Variants in SLC12A3 observed in about 807,000 individuals in gnomAD.
The protein encoded by SLC12A3 is Na-Cl cotransporter.
A neutral mutation model predicts 121.0 loss-of-function variants in SLC12A3; 104 were observed. The ratio of observed to expected loss-of-function variants is 0.86; its 90% CI spans 0.73 to 1.01. The LOEUF (loss-of-function observed/expected upper bound fraction) is 1.01. Among genes scored for constraint, SLC12A3 ranks in the 50% least tolerant of loss-of-function variants. The pLI is 0.00. For missense variants in SLC12A3, 1,328 were observed against 1,356.3 expected (o/e 0.98, Z 0.33); for synonymous variants, 536 against 533.4 (o/e 1.00, Z -0.07).
At chr16:56,885,208 T>C in intron 14 of SLC12A3, 57 bp from the exon 15 acceptor site, 2 of 1,078,932 alleles carry the variant, frequency 1.9e-6, no homozygotes. Flanking sequence ...ACGTGTCTGG[T>C]TTCCTCTAGT....
At chr16:56,868,983 A>T (rs11648066) in intron 3 of SLC12A3, among the ~76,000 whole-genome samples, 59,296 of 139,700 alleles carry the variant, frequency 0.42, 11,864 homozygotes, top group East Asian at 0.61. Context: ...CAAAAAAAAT[A>T]AAAAATAAAA....
chr16:56,897,287 G>A (rs1471109088), intron 22 of SLC12A3, among the ~76,000 whole-genome samples: 7 of 152,102 alleles, frequency 4.6e-5, no homozygotes, highest in Admixed American at 3.3e-4. Context: ...AGACAGATGG[G>A]GCAGTTTGCC....
chr16:56,911,129 A>C (rs1458928028), intron 25 of SLC12A3, among the ~76,000 whole-genome samples: 1 of 152,180 alleles, frequency 6.6e-6, no homozygotes, highest in East Asian at 1.9e-4. Flanking sequence ...CAGTCCCCGA[A>C]ATCATGTCCT....
At chr16:56,889,046 ACT>A (rs2144735277) in intron 18 of SLC12A3, among the ~76,000 whole-genome samples, 1 of 152,038 alleles carries the variant, frequency 6.6e-6, no homozygotes, top group South Asian at 2.1e-4. Context: ...CTGACTCCAA[ACT>A]CTTCATCAGT....
In SLC12A3 at chr16:56,882,468, G is replaced by T; in HGVS notation, c.1640G>T (p.Cys547Phe). The T allele has an allele frequency of 6.2e-7, 1 of 1,614,016 alleles. No homozygotes were observed. The highest frequency in any genetic ancestry group is 1.1e-5 in the South Asian group (1 of 91,070). Residue 547 changes from cysteine (C) to phenylalanine (F), a missense_variant, in exon 13 of 26, where the codon TGC becomes TTC. By Grantham distance (205) the Cys-to-Phe change is radical (BLOSUM62 -2). Coordinates refer to ENST00000563236, the MANE Select transcript of SLC12A3 (RefSeq NM_001126108.2). ...LCSYALINFS[C>F]FHASITNSPG... ...TCCTATGCCCTCATCAACTTCAGCT[G>T]CTTCCACGCCTCCATCACCAACTCG...
chr16:56,902,895 C>T (rs1413928570), intron 24 of SLC12A3, among the ~76,000 whole-genome samples: 1 of 152,122 alleles, frequency 6.6e-6, no homozygotes, highest in Admixed American at 6.5e-5. Flanking sequence ...CCTGTAATCC[C>T]AGCACTTTGG....
At chr16:56,888,344 G>A (rs1480207304) in intron 18 of SLC12A3, among the ~76,000 whole-genome samples, 6 of 152,260 alleles carry the variant, frequency 3.9e-5, no homozygotes, top group East Asian at 3.9e-4. Context: ...GAAGATGCCC[G>A]TCTCTGACCT....
rs1304534658 is a variant in SLC12A3, at chr16:56,906,825, G to C, written c.2924+2363G>C. 8.7e-6 allele frequency: 6 copies of C among 688,628 alleles called. No individual in the cohort carries two copies. In the African/African-American group the frequency reaches 1.1e-4, roughly 12 times the overall value. 42.7% of individuals were successfully genotyped at this position (688,628 alleles called of 1,614,324 possible). A position where few individuals can be genotyped will look rare whatever the true frequency, so the allele number is the denominator to read the frequency against. ...TAGACTTGCAAGACATGGCCTGTAT[G>C]AGAAGAAAAAGACCTCAAGAAAGCA... On this transcript the variant is annotated intron_variant, in intron 25 of 25. Transcript: ENST00000563236.
At chr16:56,871,086 T>C (rs1202332034) in intron 6 of SLC12A3, among the ~76,000 whole-genome samples, 1 of 152,138 alleles carries the variant, frequency 6.6e-6, no homozygotes, top group Non-Finnish European at 1.5e-5. Context: ...CTGCCCGCCT[T>C]GGCCTCCCAA....
chr16:56,889,521 G>A (rs1050400581), intron 18 of SLC12A3, among the ~76,000 whole-genome samples: 15 of 152,012 alleles, frequency 9.9e-5, no homozygotes, highest in Non-Finnish European at 1.9e-4. Context: ...CTGTCGCCCC[G>A]GCTGGAGTGC....
intron 22 of SLC12A3, among the ~76,000 whole-genome samples, chr16:56,895,593 T>A (rs2055451891): frequency 6.6e-6 from 1 of 151,942 alleles, no homozygotes; most frequent in East Asian, 1.9e-4. Flanking sequence ...CGCCTCCTCC[T>A]GAGAAATGAA....
chr16:56,888,632 C>T (rs1170394942), intron 18 of SLC12A3, among the ~76,000 whole-genome samples: 17 of 138,694 alleles, frequency 1.2e-4, no homozygotes, highest in African/African-American at 3.8e-4. Flanking sequence ...TATCTCGGCT[C>T]ACTGCAAGCT....
chr16:56,866,018 C>G (rs1214258275), intron 1 of SLC12A3, among the ~76,000 whole-genome samples: 2 of 149,398 alleles, frequency 1.3e-5, no homozygotes. Flanking sequence ...CGGAGTCTGG[C>G]TCTGTCGCCC....
chr16:56,903,177 G>A (rs2055562407), intron 24 of SLC12A3, among the ~76,000 whole-genome samples: 1 of 151,904 alleles, frequency 6.6e-6, no homozygotes, highest in Admixed American at 6.6e-5. Context: ...TGTCCTGTGG[G>A]CCAACACGGC....
At chr16:56,887,144 C>A (rs759825685) in intron 17 of SLC12A3, 51 bp downstream of exon 17, 2 of 1,611,942 alleles carry the variant, frequency 1.2e-6, no homozygotes, top group East Asian at 4.5e-5. Flanking sequence ...GGTGGCACAA[C>A]CTGGAAGGCA....
rs1458112161 is a variant in SLC12A3, at chr16:56,885,361, A to G, written c.1922A>G (p.Tyr641Cys). The G allele has an allele frequency of 1.3e-6, 2 of 1,547,002 alleles. No homozygotes were observed. The highest frequency in any genetic ancestry group is 1.2e-5 in the South Asian group (1 of 83,954). Residue 641 changes from tyrosine (Y) to cysteine (C), a missense_variant, in exon 15 of 26, where the codon TAC becomes TGC. Coordinates refer to ENST00000563236, the MANE Select transcript of SLC12A3 (RefSeq NM_001126108.2). ...LNEVEDHIKNYRPQCLVLTGP... is the reference protein window; with the variant it reads ...LNEVEDHIKNCRPQCLVLTGP... ...GAGGTGGAAGACCACATCAAGAACT[A>G]CCGGTGAGCAGAGCTGCTGGGACCC... is the stretch of plus-strand genomic sequence containing the variant.
intron 13 of SLC12A3, among the ~76,000 whole-genome samples, chr16:56,882,964 G>GATA (rs1406330740): frequency 6.6e-6 from 1 of 151,924 alleles, no homozygotes; most frequent in Admixed American, 6.6e-5. Flanking sequence ...TAATAATAAT[G>GATA]ATAATAATAA....
rs551520548 is a variant in SLC12A3, at chr16:56,902,416, G to A, written c.2764G>A (p.Asp922Asn). ...CATGATTGCACCCTTCCGTCTGAAT[G>A]ATGGCTTCAAGGATGAGGCCACTGT... ...EDMIAPFRLN[D>N]GFKDEATVNE... Residue 922 changes from aspartate (D) to asparagine (N), a missense_variant, in exon 24 of 26, where the codon GAT becomes AAT. Coordinates refer to ENST00000563236, the MANE Select transcript of SLC12A3 (RefSeq NM_001126108.2). The A allele has an allele frequency of 6.2e-7, 1 of 1,607,698 alleles. No homozygotes were observed. Among genetic ancestry groups the A allele is most frequent in the South Asian group, 1.1e-5 (1 of 90,990 alleles).
At chr16:56,904,764 A>G (rs2055585112) in intron 25 of SLC12A3, 2 of 396,320 alleles carry the variant, frequency 5.0e-6, no homozygotes, top group Admixed American at 7.2e-5. Flanking sequence ...CACTTGGCAA[A>G]GAGGGAACCC....
Sources: allele counts gnomAD v4.1 joint callset (sites outside exome capture counted in the v4.1 genomes callset), GRCh38; gene constraint gnomAD v4.1.1; transcripts MANE v1.5; gene names NCBI Gene and HGNC (gene_info 2026-07-23, HGNC 2026-07-21).